MSH3: variants seen among roughly 807,000 people sequenced by gnomAD.
MSH3 encodes the protein DNA mismatch repair protein Msh3.
A neutral mutation model predicts 123.3 loss-of-function variants in MSH3; 106 were observed. The observed-to-expected ratio is 0.86, with a 90% CI of 0.73 to 1.01. The LOEUF is 1.01. Ranked by LOEUF, MSH3 falls within the 50% of genes least tolerant of loss-of-function variation. The pLI is 0.00. For missense variants in MSH3, 1,459 were observed against 1,347.6 expected (o/e 1.08, Z -1.29); for synonymous variants, 515 against 481.4 (o/e 1.07, Z -0.91).
At chr5:80,711,649 T>C (rs1750861524) in intron 8 of MSH3, among the ~76,000 whole-genome samples, 3 of 152,120 alleles carry the variant, frequency 2.0e-5, no homozygotes, top group Admixed American at 2.0e-4. Context: ...ATTTTCTTTT[T>C]TTCTTCTTTT....
intron 8 of MSH3, among the ~76,000 whole-genome samples, chr5:80,686,264 GA>G (rs1196186794): frequency 6.6e-6 from 1 of 152,104 alleles, no homozygotes; most frequent in Admixed American, 6.6e-5. Context: ...TCTGTCCAAT[GA>G]TGAAAGTGGG....
At chr5:80,855,603 C>G (rs1745902627) in intron 21 of MSH3, 1 of 152,226 alleles carries the variant, frequency 6.6e-6, no homozygotes, top group Admixed American at 6.5e-5. Context: ...TCCTGACTAC[C>G]TTGCTGTGAG....
chr5:80,803,646 T>C (rs1744834251), intron 19 of MSH3, among the ~76,000 whole-genome samples: 1 of 151,986 alleles, frequency 6.6e-6, no homozygotes, highest in African/African-American at 2.4e-5. Context: ...CAAGAAGTTA[T>C]TGCCCAGACC....
At chr5:80,705,830 G>A (rs1020254779) in intron 8 of MSH3, among the ~76,000 whole-genome samples, 2 of 152,066 alleles carry the variant, frequency 1.3e-5, no homozygotes, top group Non-Finnish European at 2.9e-5. Context: ...CGTGGACACC[G>A]GTCATATTGG....
chr5:80,654,654 A>AACCTGGGC lies in MSH3; in HGVS notation c.-74_-73insACCTGGGC, dbSNP rs1749170677. 7.1e-7 allele frequency: 1 copy of AACCTGGGC among 1,418,054 alleles called. No homozygotes were observed. The allele number at this position is 1,418,054 out of a possible 1,614,324, so 87.8% of individuals were successfully genotyped here. On this transcript the variant is annotated 5_prime_UTR_variant, in exon 1 of 24. Transcript: ENST00000265081. ...GGTCGCGGCGTGCTCGCGCCCGCAGACGCCTGGGAACTGCGGCCGCGGGCT... is the reference window on the plus strand; with the variant it reads ...GGTCGCGGCGTGCTCGCGCCCGCAGAACCTGGGCCGCCTGGGAACTGCGGCCGCGGGCT...
At chr5:80,805,607 T>C (rs1176061836) in intron 19 of MSH3, among the ~76,000 whole-genome samples, 2 of 141,392 alleles carry the variant, frequency 1.4e-5, no homozygotes, top group Non-Finnish European at 3.1e-5. Context: ...TTTTTTTTTT[T>C]TTTTTGAGAT....
intron 6 of MSH3, among the ~76,000 whole-genome samples, chr5:80,674,004 C>T (rs1385961253): frequency 6.6e-6 from 1 of 152,150 alleles, no homozygotes; most frequent in African/African-American, 2.4e-5. Context: ...TCATCTAATT[C>T]TAAGGACTGT....
chr5:80,675,293 C>A (rs1041165278), intron 7 of MSH3, among the ~76,000 whole-genome samples, 165 bp downstream of exon 7: 2 of 152,108 alleles, frequency 1.3e-5, no homozygotes, highest in African/African-American at 2.4e-5. Context: ...TCGCTAGTTA[C>A]AATTTTCTCA....
chr5:80,670,994 A>G (rs922877357), intron 4 of MSH3, among the ~76,000 whole-genome samples: 3 of 152,014 alleles, frequency 2.0e-5, no homozygotes, highest in Admixed American at 1.3e-4. Flanking sequence ...GTGGTGGTGC[A>G]TGCCTTTAGT....
chr5:80,820,559 C>A (rs1419949368), intron 20 of MSH3, among the ~76,000 whole-genome samples: 1 of 151,908 alleles, frequency 6.6e-6, no homozygotes, highest in African/African-American at 2.4e-5. Flanking sequence ...TAAAAACTGA[C>A]AATAAAAACT....
In MSH3 at chr5:80,708,043, C is replaced by T. The variant is rs6151697; in HGVS notation, c.1341-17410C>T. On this transcript the variant is annotated intron_variant, in intron 8 of 23. Coordinates refer to ENST00000265081, the MANE Select transcript of MSH3 (RefSeq NM_002439.5). ...TTCTTTATACATTCTGAATAAAAAT[C>T]CTTTGTCAGTTATAGGTATTGTGAA... 3.4e-3 allele frequency among the ~76,000 whole-genome samples: 517 copies of T among 152,224 alleles called. 2 individuals carry two copies. Among genetic ancestry groups the T allele is most frequent in the African/African-American group, 0.012 (497 of 41,524 alleles).
chr5:80,848,147 T>G (rs567238560), intron 20 of MSH3, among the ~76,000 whole-genome samples: 52 of 152,330 alleles, frequency 3.4e-4, no homozygotes, highest in Non-Finnish European at 6.5e-4. Flanking sequence ...GAGGATCATC[T>G]GAGCACAGGA....
At chr5:80,735,473 G>A (rs1206740834) in intron 10 of MSH3, among the ~76,000 whole-genome samples, 1 of 151,056 alleles carries the variant, frequency 6.6e-6, no homozygotes, top group Non-Finnish European at 1.5e-5. Context: ...GATTGCCTGA[G>A]ATCAGGAGTC....
chr5:80,744,100 A>G (rs6151749), intron 11 of MSH3, among the ~76,000 whole-genome samples: 83 of 152,318 alleles, frequency 5.4e-4, no homozygotes, highest in Admixed American at 2.1e-3. Context: ...GTTCATGTCT[A>G]TCTCCAGCAC....
At chr5:80,745,136 C>G (rs1219876478) in intron 12 of MSH3, among the ~76,000 whole-genome samples, 2 of 152,188 alleles carry the variant, frequency 1.3e-5, no homozygotes, top group Non-Finnish European at 2.9e-5. Context: ...AGGGAAGATA[C>G]TTGAATCCAG....
chr5:80,699,158 C>A (rs921449308), intron 8 of MSH3, among the ~76,000 whole-genome samples: 8 of 152,030 alleles, frequency 5.3e-5, no homozygotes, highest in Admixed American at 1.3e-4. Context: ...TTAATAAATG[C>A]TTGGTAAATG....
chr5:80,773,342 G>A (rs1467119188), intron 15 of MSH3, among the ~76,000 whole-genome samples: 2 of 152,138 alleles, frequency 1.3e-5, no homozygotes, highest in Admixed American at 6.5e-5. Flanking sequence ...GATATTTTTT[G>A]TGGTTTTTCA....
At chr5:80,779,806 C>T (rs926517202) in intron 17 of MSH3, among the ~76,000 whole-genome samples, 8 of 151,828 alleles carry the variant, frequency 5.3e-5, no homozygotes, top group African/African-American at 9.7e-5. Flanking sequence ...CCTTGTGATG[C>T]GCCCTCCTCG....
chr5:80,718,087 C>G (rs1218265940), intron 8 of MSH3, among the ~76,000 whole-genome samples: 2 of 152,220 alleles, frequency 1.3e-5, no homozygotes, highest in African/African-American at 4.8e-5. Context: ...AAACCACCAT[C>G]TAGTCCAGGA....
Sources: allele counts gnomAD v4.1 joint callset (sites outside exome capture counted in the v4.1 genomes callset), GRCh38; gene constraint gnomAD v4.1.1; transcripts MANE v1.5; gene names NCBI Gene and HGNC (gene_info 2026-07-23, HGNC 2026-07-21).